CDK14: variants seen among roughly 807,000 people sequenced by gnomAD.
CDK14 encodes cyclin dependent kinase 14, also known as cyclin-dependent kinase 14.
CDK14 carries 34 observed loss-of-function variants against 60.7 expected under a neutral mutation model. That is an observed-to-expected ratio of 0.56 (90% CI 0.43 to 0.75). The LOEUF (loss-of-function observed/expected upper bound fraction) is 0.75, where lower values mean the gene tolerates loss of function less well. CDK14 is among the 30% of genes least tolerant of loss of function. The pLI is 0.00. For synonymous variants in CDK14, 197 were observed against 203.7 expected, an observed-to-expected ratio of 0.97 and a Z score of 0.28; for missense variants, 482 against 564.1, an observed-to-expected ratio of 0.85 and a Z score of 1.47.
intron 5 of CDK14, among the ~76,000 whole-genome samples, chr7:90,814,668 G>A (rs984485255): frequency 4.6e-5 from 7 of 152,298 alleles, no homozygotes; most frequent in African/African-American, 1.7e-4. Context: ...TGTAATCGCA[G>A]CTACTAGGGA....
At chr7:91,088,609 A>G (rs796828458) in intron 12 of CDK14, among the ~76,000 whole-genome samples, 56 of 151,458 alleles carry the variant, frequency 3.7e-4, no homozygotes, top group African/African-American at 1.0e-3. Context: ...TATTACTCAG[A>G]CTATAAATGA....
At chr7:91,076,511 A>G (rs762670348) in intron 11 of CDK14, among the ~76,000 whole-genome samples, 4 of 152,192 alleles carry the variant, frequency 2.6e-5, no homozygotes, top group Non-Finnish European at 5.9e-5. Flanking sequence ...AAAATGAATT[A>G]AAGACCTAAA....
chr7:90,789,233 G>A (rs1438224810), intron 4 of CDK14, among the ~76,000 whole-genome samples: 1 of 152,152 alleles, frequency 6.6e-6, no homozygotes, highest in African/African-American at 2.4e-5. Context: ...AGAACACCCT[G>A]TGGTTTTTGA....
intron 12 of CDK14, among the ~76,000 whole-genome samples, chr7:91,092,017 C>T (rs1242826224): frequency 6.6e-6 from 1 of 152,074 alleles, no homozygotes; most frequent in Non-Finnish European, 1.5e-5. Flanking sequence ...AGATGATACT[C>T]AATGTGCAGC....
chr7:90,751,938 G>A lies in CDK14; in HGVS notation c.464+4163G>A, dbSNP rs80124732. The stretch of plus-strand genomic sequence containing the variant: ...ACAATAAAAAAGGAGAAAGAAGGGC[G>A]TTACATAATGATAAAGTGTTCAATT... On this transcript the variant is annotated intron_variant, in intron 4 of 14. Coordinates refer to ENST00000380050, the MANE Select transcript of CDK14 (RefSeq NM_001287135.2). Among the ~76,000 whole-genome samples, 279 of 152,218 alleles carry A rather than the reference G, an allele frequency of 1.8e-3. 7 individuals are homozygous for A. The East Asian group carries it at 0.05, about 27-fold the overall frequency.
intron 2 of CDK14, among the ~76,000 whole-genome samples, chr7:90,707,314 T>C (rs866335563): frequency 6.6e-6 from 1 of 152,190 alleles, no homozygotes. Flanking sequence ...ATAGACTTCA[T>C]GTCCAGTCAC....
chr7:91,050,520 A>G (rs1418330176), intron 11 of CDK14, among the ~76,000 whole-genome samples: 1 of 152,090 alleles, frequency 6.6e-6, no homozygotes, highest in African/African-American at 2.4e-5. Context: ...TATAACCTGT[A>G]TATCTTCTTC....
chr7:90,689,731 A>C (rs78404502), intron 2 of CDK14, among the ~76,000 whole-genome samples: 1 of 152,180 alleles, frequency 6.6e-6, no homozygotes, highest in African/African-American at 2.4e-5. Context: ...CCATAATCCT[A>C]TATCTTTCCA....
At chr7:90,608,240 A>G (rs921925132) in intron 2 of CDK14, among the ~76,000 whole-genome samples, 1 of 152,166 alleles carries the variant, frequency 6.6e-6, no homozygotes. Context: ...TAACTACACT[A>G]TGATTTCTGG....
intron 5 of CDK14, among the ~76,000 whole-genome samples, chr7:90,803,279 T>G (rs1022197849): frequency 2.6e-5 from 4 of 152,144 alleles, no homozygotes; most frequent in Non-Finnish European, 1.5e-5. Flanking sequence ...GTCTCAACCT[T>G]CAACATGCAG....
intron 2 of CDK14, among the ~76,000 whole-genome samples, chr7:90,690,940 A>G (rs1036075121): frequency 2.0e-5 from 3 of 152,152 alleles, no homozygotes; most frequent in African/African-American, 7.2e-5. Flanking sequence ...AGAATAAACA[A>G]TGATAAGTTT....
chr7:90,641,413 A>G (rs1800328233), intron 2 of CDK14, among the ~76,000 whole-genome samples: 1 of 152,208 alleles, frequency 6.6e-6, no homozygotes, highest in Non-Finnish European at 1.5e-5. Context: ...AGTGCAGCAT[A>G]TCTATATAAT....
intron 3 of CDK14, among the ~76,000 whole-genome samples, chr7:90,746,421 G>A (rs1425064245): frequency 6.6e-6 from 1 of 152,144 alleles, no homozygotes; most frequent in African/African-American, 2.4e-5. Context: ...TTCAAAAGTA[G>A]TGTTCAAGCC....
intron 12 of CDK14, among the ~76,000 whole-genome samples, chr7:91,087,670 C>T (rs1342855218): frequency 6.6e-6 from 1 of 152,174 alleles, no homozygotes; most frequent in African/African-American, 2.4e-5. Context: ...TGTCCTACCT[C>T]CCAGTGAGAG....
At chr7:90,629,021 A>G (rs1399912846) in intron 2 of CDK14, among the ~76,000 whole-genome samples, 1 of 152,148 alleles carries the variant, frequency 6.6e-6, no homozygotes, top group Non-Finnish European at 1.5e-5. Context: ...TGCAGCAAAG[A>G]CATTAAAAAA....
At chr7:90,884,015 T>C (rs1370365074) in intron 6 of CDK14, among the ~76,000 whole-genome samples, 2 of 152,184 alleles carry the variant, frequency 1.3e-5, no homozygotes, top group Non-Finnish European at 2.9e-5. Context: ...GCATTCCCTT[T>C]GAAAATTGGT....
intron 10 of CDK14, among the ~76,000 whole-genome samples, chr7:91,009,732 G>A (rs934451690): frequency 2.0e-5 from 3 of 152,060 alleles, no homozygotes; most frequent in Non-Finnish European, 2.9e-5. Context: ...TTCTGGATGA[G>A]AACTTTATCA....
At chr7:91,088,925 C>A (rs1282389678) in intron 12 of CDK14, among the ~76,000 whole-genome samples, 1 of 151,584 alleles carries the variant, frequency 6.6e-6, no homozygotes, top group Admixed American at 6.6e-5. Flanking sequence ...AATAAACATA[C>A]CAGCTGTGAG....
intron 10 of CDK14, among the ~76,000 whole-genome samples, chr7:90,987,788 A>G (rs802404): frequency 0.75 from 113,514 of 151,900 alleles, 42,504 homozygotes; most frequent in East Asian, 0.78. Flanking sequence ...ATTAAATAGT[A>G]ATTAGATCCA....
Sources: gnomAD v4.1 joint callset for allele counts (sites outside exome capture counted in the v4.1 genomes callset) on GRCh38, gnomAD v4.1.1 for gene constraint, MANE v1.5 for transcripts, NCBI Gene and HGNC (gene_info 2026-07-23, HGNC 2026-07-21) for gene names.